PPIE: variants seen among roughly 807,000 people sequenced by gnomAD.
The protein encoded by PPIE is peptidyl-prolyl cis-trans isomerase E.
A neutral mutation model predicts 38.4 loss-of-function variants in PPIE; 20 were observed. That is an observed-to-expected ratio of 0.52 (90% confidence interval 0.37 to 0.76). The LOEUF is 0.76. PPIE is among the 30% of genes least tolerant of loss of function. The pLI is 0.00. For missense variants in PPIE, 322 were observed against 385.8 expected, an observed-to-expected ratio of 0.83 and a Z score of 1.39; for synonymous variants, 142 against 135.7, an observed-to-expected ratio of 1.05 and a Z score of -0.32.
rs1007690002 is a variant in PPIE, at chr1:39,754,608, T to G, written c.*1253T>G. 1.3e-5 allele frequency among the ~76,000 whole-genome samples: 2 copies of G among 152,044 alleles called. No individual in the cohort carries two copies. Among genetic ancestry groups the G allele is most frequent in the Non-Finnish European group, 2.9e-5 (2 of 68,006 alleles). On this transcript the variant is annotated 3_prime_UTR_variant, in exon 10 of 10. Coordinates refer to ENST00000324379, the MANE Select transcript of PPIE (RefSeq NM_006112.4). ...AGGCATGGTGGCTCATGCCTATAAT[T>G]CCACCACTATTGGGAGGCTGAGGCA...
In PPIE at chr1:39,752,917, A is replaced by C. The variant is rs373465915; in HGVS notation, c.702A>C (p.Leu234=). Residue 234 remains leucine, a synonymous_variant, in exon 9 of 10, where the codon CTA becomes CTC. Transcript: ENST00000324379. Reference sequence around the variant, plus strand: ...GGTTGTTCTCTCCCTCAGGTCTACTATCCATGGCCAACTCTGGCCCAAACA... The same window carrying C: ...GGTTGTTCTCTCCCTCAGGTCTACTCTCCATGGCCAACTCTGGCCCAAACA... The part of the protein sequence containing the change: ...FILKHTGPGL[L]SMANSGPNTN... 1.2e-6 allele frequency: 2 copies of C among 1,613,672 alleles called. No homozygotes were observed. The highest frequency in any genetic ancestry group is 1.7e-6 in the Non-Finnish European group (2 of 1,179,892).
intron 7 of PPIE, chr1:39,746,892 C>T (rs1647226119): frequency 6.6e-6 from 1 of 152,140 alleles, no homozygotes; most frequent in Non-Finnish European, 1.5e-5. Flanking sequence ...GCAGTAATTA[C>T]TCTGTTCGAA....
chr1:39,742,092 C>CGCCTGTAATCCCAGCACTT, intron 4 of PPIE, 171 bp downstream of exon 4: 1 of 648,790 alleles, frequency 1.5e-6, no homozygotes. Context: ...TTAGTTCTTA[C>CGCCTGTAATCCCAGCACTT]TCAGACTCCT....
chr1:39,752,469 GTACACA>G (rs1249451480), intron 8 of PPIE, among the ~76,000 whole-genome samples: 2 of 152,074 alleles, frequency 1.3e-5, no homozygotes, highest in Non-Finnish European at 2.9e-5. Context: ...ATACATACAT[GTACACA>G]TACACACACA....
exon 10 of PPIE, chr1:39,763,709 T>A: frequency 6.3e-7 from 1 of 1,598,956 alleles, no homozygotes. Context: ...AGTCAGCAAT[T>A]ACCAGCCAGC....
chr1:39,763,091 C>G, intron 9 of PPIE: 2 of 1,613,706 alleles, frequency 1.2e-6, no homozygotes, highest in Non-Finnish European at 1.7e-6. Context: ...ATGGTACTGA[C>G]CAGGGACTGC....
chr1:39,740,125 T>G, intron 1 of PPIE, 40 bp from the exon 2 acceptor site: 10 of 1,521,574 alleles, frequency 6.6e-6, no homozygotes, highest in Non-Finnish European at 8.2e-6. Flanking sequence ...TGCAAGAGTA[T>G]GGAGATCAGT....
chr1:39,743,002 T>G, intron 4 of PPIE: 1 of 476,630 alleles, frequency 2.1e-6, no homozygotes, highest in South Asian at 3.5e-5. Flanking sequence ...GAGTTACTTT[T>G]GGTAATACAG....
chr1:39,741,809 G>T, intron 3 of PPIE, 86 bp from the exon 4 acceptor site: 1 of 1,495,596 alleles, frequency 6.7e-7, no homozygotes, highest in Non-Finnish European at 9.2e-7. Context: ...CATTTTTCTG[G>T]ATTTTTGCTA....
At chr1:39,762,725 G>A (rs1022858160) in intron 9 of PPIE, 23 of 1,435,408 alleles carry the variant, frequency 1.6e-5, no homozygotes, top group South Asian at 1.2e-4. Flanking sequence ...CAGCGTACTC[G>A]GCGGCCCGTG....
chr1:39,762,036 C>T (rs933939731), intron 9 of PPIE, among the ~76,000 whole-genome samples: 10 of 152,216 alleles, frequency 6.6e-5, no homozygotes, highest in Non-Finnish European at 1.0e-4. Flanking sequence ...GAGAACCACA[C>T]GGCATAAAGG....
downstream of PPIE, among the ~76,000 whole-genome samples, chr1:39,760,961 C>G (rs1025271562): frequency 1.3e-5 from 2 of 152,046 alleles, no homozygotes; most frequent in African/African-American, 2.4e-5. Context: ...TTTGGCCCTT[C>G]GGACCCCCAG....
chr1:39,762,471 G>C, intron 9 of PPIE: 1 of 1,528,424 alleles, frequency 6.5e-7, no homozygotes, highest in Middle Eastern at 1.7e-4. Flanking sequence ...ACTCAACAGT[G>C]AGCAGCACCA....
At position 39,743,215 on chromosome 1, in the gene PPIE, G is replaced by T; in HGVS notation, c.202-1G>T. The T allele has an allele frequency of 6.2e-7, 1 of 1,613,976 alleles. No individual in the cohort carries two copies. The highest frequency in any genetic ancestry group is 8.5e-7 in the Non-Finnish European group (1 of 1,179,886). On this transcript the variant is annotated splice_acceptor_variant, in intron 4 of 9. Transcript: ENST00000324379. LOFTEE classifies it high-confidence loss of function. ...AGCAGCTGGATTTTCAATCTTTTCA[G>T]AATGAATCTGAGCTTTTTGGACGTA...
intron 9 of PPIE, chr1:39,763,216 G>A (rs1253909938): frequency 6.3e-7 from 1 of 1,598,776 alleles, no homozygotes; most frequent in African/African-American, 1.3e-5. Flanking sequence ...GGGGGCAAGG[G>A]AGAAGGTGAG....
chr1:39,756,037 G>A lies in PPIE; in HGVS notation c.*2682G>A, dbSNP rs1315680465. ...CCCATGATTGGCCAGGACCTGTGTG[G>A]AGAGACACAGGAGACAAGACCCTGC... On this transcript the variant is annotated 3_prime_UTR_variant, in exon 10 of 10. Transcript: ENST00000324379. 4.1e-6 allele frequency: 4 copies of A among 985,286 alleles called. No homozygotes were observed. In the African/African-American group the frequency reaches 7.0e-5, roughly 17 times the overall value. The allele number at this position is 985,286 out of a possible 1,614,324, so 61.0% of individuals were successfully genotyped here.
chr1:39,744,229 C>T (rs187762278), intron 6 of PPIE, among the ~76,000 whole-genome samples: 18 of 152,312 alleles, frequency 1.2e-4, no homozygotes, highest in Admixed American at 1.2e-3. Flanking sequence ...TGAGGTGCCC[C>T]TCTTCACCCC....
chr1:39,739,034 T>C, intron 1 of PPIE, 103 bp downstream of exon 1: 1 of 1,269,100 alleles, frequency 7.9e-7, no homozygotes, highest in Non-Finnish European at 1.0e-6. Context: ...GGCGAGCTGC[T>C]GTCAAGGCCG....
intron 8 of PPIE, among the ~76,000 whole-genome samples, chr1:39,752,247 A>C (rs928714766): frequency 1.3e-5 from 2 of 152,122 alleles, no homozygotes; most frequent in African/African-American, 4.8e-5. Flanking sequence ...CTGCATGCTG[A>C]TGGCTCCCTG....
Sources: gnomAD v4.1 joint callset for allele counts (sites outside exome capture counted in the v4.1 genomes callset) on GRCh38, gnomAD v4.1.1 for gene constraint, MANE v1.5 for transcripts, NCBI Gene and HGNC (gene_info 2026-07-23, HGNC 2026-07-21) for gene names.